CTNNA3: variants seen among roughly 807,000 people sequenced by gnomAD.
CTNNA3 encodes the protein catenin alpha-3.
Under a neutral mutation model 95.7 loss-of-function variants are expected in CTNNA3, and 76 were observed. That is an observed-to-expected ratio of 0.79 (90% confidence interval 0.66 to 0.96). The LOEUF (loss-of-function observed/expected upper bound fraction) is 0.96, where lower values mean the gene tolerates loss of function less well. Among genes scored for constraint, CTNNA3 ranks in the 40% least tolerant of loss-of-function variants. The probability of loss-of-function intolerance (pLI) is 0.00; values close to 1 mark genes in which losing one functional copy is unlikely to be tolerated. For synonymous variants in CTNNA3, 431 were observed against 374.4 expected (o/e 1.15, Z -1.74); for missense variants, 1,191 against 1,089.8 (o/e 1.09, Z -1.31).
At chr10:67,685,564 G>T (rs982397452) in intron 1 of CTNNA3, among the ~76,000 whole-genome samples, 1 of 152,182 alleles carries the variant, frequency 6.6e-6, no homozygotes, top group African/African-American at 2.4e-5. Flanking sequence ...CTGTGTTAAG[G>T]ATTTTAGATA....
intron 10 of CTNNA3, among the ~76,000 whole-genome samples, chr10:66,578,696 A>T (rs372358068): frequency 2.6e-5 from 4 of 151,620 alleles, no homozygotes; most frequent in African/African-American, 9.7e-5. Flanking sequence ...TAACTTTTTG[A>T]TGTGCTGTTA....
intron 7 of CTNNA3, among the ~76,000 whole-genome samples, chr10:67,022,478 C>T (rs964490600): frequency 6.6e-6 from 1 of 151,870 alleles, no homozygotes; most frequent in Admixed American, 6.6e-5. Context: ...TTTTCACAGA[C>T]TAATAAAAAT....
At chr10:66,919,383 A>G (rs1472587980) in intron 7 of CTNNA3, among the ~76,000 whole-genome samples, 12 of 152,200 alleles carry the variant, frequency 7.9e-5, no homozygotes, top group Non-Finnish European at 1.5e-4. Flanking sequence ...TTCAGCCTTC[A>G]TAAGTCTGCC....
chr10:66,069,512 T>C (rs1589322380), intron 14 of CTNNA3, 23 bp from the exon 15 acceptor site: 2 of 1,563,194 alleles, frequency 1.3e-6, no homozygotes, highest in East Asian at 4.5e-5. Flanking sequence ...ATAATTAGAG[T>C]TAAAATCATT....
Position 66,766,269 on chromosome 10 carries a change from C to CA in CTNNA3, c.1275dup (p.Val426CysfsTer14). On this transcript the variant is annotated frameshift_variant, in exon 9 of 18. Transcript: ENST00000433211. LOFTEE classifies it high-confidence loss of function. ...TACAGTTCTAGCATGCTTACCTCTA[C>CA]AAGCCTGCTGGTGTGTTCATGAAAT... 6.2e-7 allele frequency: 1 copy of CA among 1,613,658 alleles called. No homozygotes were observed. Among genetic ancestry groups the CA allele is most frequent in the South Asian group, 1.1e-5 (1 of 91,052 alleles).
Position 66,010,197 on chromosome 10 carries a change from T to A in CTNNA3, c.2160-21400A>T, listed in dbSNP as rs571969586. ...ATCTACTTTCAACATGTTACTATCA[T>A]CTACGATGTAGCCTCCTTTCCCTTG... On this transcript the variant is annotated intron_variant, in intron 15 of 17. Coordinates refer to ENST00000433211, the MANE Select transcript of CTNNA3 (RefSeq NM_013266.4). 1.2e-3 allele frequency among the ~76,000 whole-genome samples: 177 copies of A among 152,326 alleles called. 3 individuals are homozygous for A. In the South Asian group the frequency reaches 0.024, roughly 21 times the overall value.
At chr10:66,330,588 C>T (rs901198251) in intron 12 of CTNNA3, among the ~76,000 whole-genome samples, 86 of 152,012 alleles carry the variant, frequency 5.7e-4, no homozygotes, top group African/African-American at 1.9e-3. Flanking sequence ...ATACACCCAG[C>T]AATGGGATGG....
At chr10:66,813,145 G>A (rs1841947103) in intron 7 of CTNNA3, among the ~76,000 whole-genome samples, 1 of 152,102 alleles carries the variant, frequency 6.6e-6, no homozygotes, top group Non-Finnish European at 1.5e-5. Flanking sequence ...CATGTTCAGA[G>A]TTTTGGAATA....
At chr10:66,240,600 T>A (rs1408655312) in intron 13 of CTNNA3, among the ~76,000 whole-genome samples, 1 of 151,968 alleles carries the variant, frequency 6.6e-6, no homozygotes, top group Admixed American at 6.6e-5. Flanking sequence ...AAAAAATAAA[T>A]AAAGTTTTAA....
At chr10:67,043,135 CTTT>C (rs34946963) in intron 7 of CTNNA3, among the ~76,000 whole-genome samples, 14 of 103,760 alleles carry the variant, frequency 1.3e-4, no homozygotes, top group East Asian at 3.4e-4. Flanking sequence ...CACTTTCTTT[CTTT>C]TTTTTTTTTT....
chr10:66,364,740 C>A (rs545057442), intron 12 of CTNNA3, among the ~76,000 whole-genome samples: 72 of 152,028 alleles, frequency 4.7e-4, no homozygotes, highest in Non-Finnish European at 9.0e-4. Context: ...TAGAGTTTAA[C>A]GTATTTTCAC....
chr10:66,619,309 C>T (rs1844652801), intron 10 of CTNNA3, among the ~76,000 whole-genome samples: 1 of 150,920 alleles, frequency 6.6e-6, no homozygotes, highest in Non-Finnish European at 1.5e-5. Context: ...TTGGAACAAA[C>T]CCAAATGTCC....
intron 11 of CTNNA3, among the ~76,000 whole-genome samples, chr10:66,405,350 A>G (rs755536960): frequency 2.6e-5 from 4 of 152,162 alleles, no homozygotes; most frequent in East Asian, 1.9e-4. Context: ...GTTCTCAATA[A>G]ATTTATTTAT....
At chr10:66,776,399 G>A (rs1194605562) in intron 7 of CTNNA3, among the ~76,000 whole-genome samples, 1 of 152,094 alleles carries the variant, frequency 6.6e-6, no homozygotes, top group Non-Finnish European at 1.5e-5. Flanking sequence ...ATAACTGAAG[G>A]GGGTTACAGC....
intron 9 of CTNNA3, among the ~76,000 whole-genome samples, chr10:66,656,814 G>C (rs765359382): frequency 6.6e-6 from 1 of 151,978 alleles, no homozygotes; most frequent in Admixed American, 6.5e-5. Context: ...AAAGGAGAGA[G>C]TGCTTTTTGT....
At chr10:65,978,158 T>C (rs1241378512) in intron 16 of CTNNA3, among the ~76,000 whole-genome samples, 1 of 152,108 alleles carries the variant, frequency 6.6e-6, no homozygotes, top group East Asian at 1.9e-4. Flanking sequence ...TTTATGAATA[T>C]GCCTACTAAA....
rs147475737 is a variant in CTNNA3 at position 66,355,143 on chromosome 10, G to T, written c.1732+24009C>A. On this transcript the variant is annotated intron_variant, in intron 12 of 17. Transcript: ENST00000433211. Reference sequence around the variant, plus strand: ...AGTGAGTTTGGTTAAGTAGATATACGATTTAAAAGAAATACAACTTAACTG... The same window carrying T: ...AGTGAGTTTGGTTAAGTAGATATACTATTTAAAAGAAATACAACTTAACTG... 5.6e-3 allele frequency among the ~76,000 whole-genome samples: 846 copies of T among 152,120 alleles called. 7 individuals are homozygous for T. The highest frequency in any genetic ancestry group is 0.019 in the African/African-American group (791 of 41,500).
At chr10:66,689,329 T>C (rs1847427861) in intron 9 of CTNNA3, among the ~76,000 whole-genome samples, 1 of 152,202 alleles carries the variant, frequency 6.6e-6, no homozygotes, top group South Asian at 2.1e-4. Flanking sequence ...AATGAGTTTG[T>C]TGGCCTGGAC....
chr10:67,274,529 T>C (rs1839110511), intron 5 of CTNNA3, among the ~76,000 whole-genome samples: 1 of 152,118 alleles, frequency 6.6e-6, no homozygotes, highest in Admixed American at 6.6e-5. Flanking sequence ...CTTTTGGTAG[T>C]TAAAAATTAA....
Sources: allele counts gnomAD v4.1 joint callset (sites outside exome capture counted in the v4.1 genomes callset), GRCh38; gene constraint gnomAD v4.1.1; transcripts MANE v1.5; gene names NCBI Gene and HGNC (gene_info 2026-07-23, HGNC 2026-07-21).